Variants in PKHD1 observed in about 807,000 individuals in gnomAD.
The protein encoded by PKHD1 is PKHD1 ciliary IPT domain containing fibrocystin/polyductin.
PKHD1 carries 291 observed loss-of-function variants against 412.0 expected under a neutral mutation model. The ratio of observed to expected loss-of-function variants is 0.71; its 90% CI spans 0.64 to 0.78. The LOEUF (loss-of-function observed/expected upper bound fraction) is 0.78, where lower values mean the gene tolerates loss of function less well. Ranked by LOEUF, PKHD1 falls within the 30% of genes least tolerant of loss-of-function variation. The pLI, the probability that PKHD1 is intolerant of heterozygous loss-of-function variation, is 0.00. For missense variants in PKHD1, 4,825 were observed against 4,950.7 expected, an observed-to-expected ratio of 0.97 and a Z score of 0.76; for synonymous variants, 1,777 against 1,821.5, an observed-to-expected ratio of 0.98 and a Z score of 0.62.
At chr6:51,873,206 TG>T (rs61326440) in intron 46 of PKHD1, among the ~76,000 whole-genome samples, 61,338 of 151,950 alleles carry the variant, frequency 0.4, 13,564 homozygotes, top group East Asian at 0.85. Flanking sequence ...TATAGAATAA[TG>T]CTTATAGCAT....
rs1554282419 is a variant in PKHD1 at position 51,870,503 on chromosome 6, C to G, written c.7486+1G>C. On this transcript the variant is annotated splice_donor_variant, in intron 47 of 66. Coordinates refer to ENST00000371117, the MANE Select transcript of PKHD1 (RefSeq NM_138694.4). LOFTEE classifies it high-confidence loss of function. ...TCTGTTCTGTCTATTCAAATAATTA[C>G]CTTGTCCTTGGGAACAGTCTGAACA... is the stretch of plus-strand genomic sequence containing the variant. The G allele has an allele frequency of 6.2e-7, 1 of 1,610,158 alleles. No individual in the cohort carries two copies. Among genetic ancestry groups the G allele is most frequent in the Admixed American group, 1.7e-5 (1 of 59,968 alleles).
At chr6:51,841,525 C>T (rs943538218) in intron 50 of PKHD1, among the ~76,000 whole-genome samples, 4 of 152,078 alleles carry the variant, frequency 2.6e-5, no homozygotes, top group African/African-American at 7.2e-5. Flanking sequence ...ATATTTTTGC[C>T]ATAAAGGTTA....
intron 28 of PKHD1, among the ~76,000 whole-genome samples, chr6:52,035,197 C>T (rs1225762663): frequency 6.6e-6 from 1 of 152,194 alleles, no homozygotes; most frequent in African/African-American, 2.4e-5. Flanking sequence ...AATACCCATA[C>T]TAGAAAACAA....
At chr6:52,003,479 G>A (rs899611031) in intron 35 of PKHD1, among the ~76,000 whole-genome samples, 5 of 152,058 alleles carry the variant, frequency 3.3e-5, no homozygotes, top group African/African-American at 1.2e-4. Context: ...TCCTACTTGT[G>A]ATCTATACCA....
chr6:51,991,462 G>A (rs1224491467), intron 35 of PKHD1, among the ~76,000 whole-genome samples: 2 of 152,012 alleles, frequency 1.3e-5, no homozygotes, highest in East Asian at 3.9e-4. Context: ...CTTTTCAAAG[G>A]ATAACCTACA....
At chr6:51,911,309 T>C (rs903097064) in intron 39 of PKHD1, among the ~76,000 whole-genome samples, 5 of 152,158 alleles carry the variant, frequency 3.3e-5, no homozygotes, top group African/African-American at 1.2e-4. Context: ...GCTATTCTAC[T>C]AGAAGATAAA....
At chr6:51,649,348 A>T (rs1467124277) in intron 61 of PKHD1, 128 bp from the exon 62 acceptor site, 3 of 726,120 alleles carry the variant, frequency 4.1e-6, no homozygotes, top group Non-Finnish European at 7.3e-6. Context: ...AAAATAATAC[A>T]TTGTGTAGTG....
intron 37 of PKHD1, among the ~76,000 whole-genome samples, chr6:51,922,444 T>C (rs2127717174): frequency 6.6e-6 from 1 of 152,360 alleles, no homozygotes; most frequent in South Asian, 2.1e-4. Flanking sequence ...TTTCAAACTC[T>C]GTGCTGGGAG....
At chr6:51,943,774 ACAACCC>A (rs1310783568) in intron 36 of PKHD1, among the ~76,000 whole-genome samples, 1 of 151,334 alleles carries the variant, frequency 6.6e-6, no homozygotes, top group Non-Finnish European at 1.5e-5. Flanking sequence ...ATTTCTTCTA[ACAACCC>A]CACAATATCA....
Position 51,906,648 on chromosome 6 carries a change from G to A in PKHD1, c.6683-308C>T, listed in dbSNP as rs907810766. Among the ~76,000 whole-genome samples the A allele has an allele frequency of 3.9e-5, 6 of 152,116 alleles. No homozygotes were observed. In the South Asian group the frequency reaches 6.2e-4, roughly 16 times the overall value. ...GATTTCCAACTGGCTATCATCTTTA[G>A]TATCAGCTTTCATCATAATACAGCA... On this transcript the variant is annotated intron_variant, in intron 40 of 66. Coordinates refer to ENST00000371117, the MANE Select transcript of PKHD1 (RefSeq NM_138694.4).
chr6:51,743,334 A>G (rs72899398), intron 60 of PKHD1, among the ~76,000 whole-genome samples: 23,625 of 152,110 alleles, frequency 0.16, 2,520 homozygotes, highest in East Asian at 0.45. Context: ...AAAATAAAAG[A>G]TGACTCCCAG....
chr6:51,818,928 G>A (rs1435620772), intron 52 of PKHD1, among the ~76,000 whole-genome samples: 1 of 152,110 alleles, frequency 6.6e-6, no homozygotes, highest in Non-Finnish European at 1.5e-5. Context: ...TTTTATGTAA[G>A]AGAGATGTAA....
intron 60 of PKHD1, among the ~76,000 whole-genome samples, chr6:51,684,166 A>G (rs116504976): frequency 2.0e-5 from 3 of 152,168 alleles, no homozygotes; most frequent in Non-Finnish European, 4.4e-5. Flanking sequence ...CCATTTTCCA[A>G]ATAAGAAAGT....
chr6:52,032,927 A>G, intron 29 of PKHD1, 103 bp downstream of exon 29: 1 of 1,093,884 alleles, frequency 9.1e-7, no homozygotes. Flanking sequence ...TTCAAGAAAA[A>G]ACTTAAATCC....
Position 52,022,823 on chromosome 6 carries a change from G to C in PKHD1, c.5358C>G (p.Ser1786Arg). 2 of 1,614,100 alleles carry C rather than the reference G, an allele frequency of 1.2e-6. No individual in the cohort carries two copies. Among genetic ancestry groups the C allele is most frequent in the African/African-American group, 1.3e-5 (1 of 75,012 alleles). The part of the protein sequence containing the change: ...VLANATVSAF[S>R]CLVLPLDVSL... ...CACCATCCAGGGGCAGAACCAAGCA[G>C]CTGAAGGCAGACACTGTAGCATTAG... The change falls in exon 33 of 67, where the codon AGC becomes AGG. Residue 1786 changes from serine (S) to arginine (R), a missense_variant. Transcript: ENST00000371117.
intron 2 of PKHD1, among the ~76,000 whole-genome samples, chr6:52,084,035 C>T (rs552868584): frequency 6.6e-6 from 1 of 151,930 alleles, no homozygotes; most frequent in African/African-American, 2.4e-5. Context: ...GTATAGATCA[C>T]CAGCTAAGCA....
rs1810579586 is a variant in PKHD1 at position 52,071,322 on chromosome 6, G to T, written c.603-252C>A. On this transcript the variant is annotated intron_variant, in intron 8 of 66. Transcript: ENST00000371117. ...TAACTAGTACTACCTTAAGCATTTGGTCCTTTCTTTTCAAATGTGTCATAT... is the reference window on the plus strand; with the variant it reads ...TAACTAGTACTACCTTAAGCATTTGTTCCTTTCTTTTCAAATGTGTCATAT... 2.0e-5 allele frequency among the ~76,000 whole-genome samples: 3 copies of T among 151,490 alleles called. No individual in the cohort carries two copies. In the South Asian group the frequency reaches 6.3e-4, roughly 32 times the overall value.
chr6:51,925,973 TA>T (rs11430320), intron 37 of PKHD1, among the ~76,000 whole-genome samples: 3,114 of 140,224 alleles, frequency 0.022, 104 homozygotes, highest in African/African-American at 0.071. Flanking sequence ...CAATGCAGAT[TA>T]AAAAAAAAAA....
At chr6:51,944,706 C>T (rs1226917843) in intron 36 of PKHD1, among the ~76,000 whole-genome samples, 1 of 152,196 alleles carries the variant, frequency 6.6e-6, no homozygotes, top group Non-Finnish European at 1.5e-5. Flanking sequence ...CCCCATCCCC[C>T]AAATGGTGTG....
Sources: gnomAD v4.1 joint callset for allele counts (sites outside exome capture counted in the v4.1 genomes callset) on GRCh38, gnomAD v4.1.1 for gene constraint, MANE v1.5 for transcripts, NCBI Gene and HGNC (gene_info 2026-07-23, HGNC 2026-07-21) for gene names.